Variants in RNF144A observed in about 807,000 individuals in gnomAD.
RNF144A encodes the protein E3 ubiquitin-protein ligase RNF144A.
A neutral mutation model predicts 38.7 loss-of-function variants in RNF144A; 11 were observed. The observed-to-expected ratio is 0.28, with a 90% CI of 0.18 to 0.47. RNF144A has a LOEUF of 0.47. RNF144A is among the 20% of genes least tolerant of loss of function. The pLI, the probability that RNF144A is intolerant of heterozygous loss-of-function variation, is 0.99. For missense variants in RNF144A, 316 were observed against 377.2 expected (o/e 0.84, Z 1.34); for synonymous variants, 149 against 143.9 (o/e 1.04, Z -0.25).
intron 2 of RNF144A, among the ~76,000 whole-genome samples, chr2:6,980,952 G>T (rs1024549273): frequency 6.6e-6 from 1 of 152,218 alleles, no homozygotes; most frequent in African/African-American, 2.4e-5. Context: ...CCAATACCAC[G>T]TGGAAGGTGC....
At chr2:7,020,400 G>A in intron 5 of RNF144A, 73 bp from the exon 6 acceptor site, 2 of 1,338,578 alleles carry the variant, frequency 1.5e-6, no homozygotes, top group East Asian at 4.6e-5. Context: ...GTGCACTGAG[G>A]GGCTCCTTCC....
chr2:6,972,530 GTGGGATTGGAAGATTCCCCTTGACAA>G (rs1668062109), intron 2 of RNF144A, among the ~76,000 whole-genome samples: 2 of 152,230 alleles, frequency 1.3e-5, no homozygotes, highest in Non-Finnish European at 2.9e-5. Flanking sequence ...GAGTGGGGCT[GTGGGATTGGAAGATTCCCCTTGACAA>G]TCCTTTTCCT....
the RNF144A span, chr2:7,074,371 C>G: frequency 6.6e-6 from 1 of 152,164 alleles, no homozygotes; most frequent in Admixed American, 6.5e-5. Flanking sequence ...AGCAAGCGTA[C>G]GTAAGTGCAA....
intron 2 of RNF144A, among the ~76,000 whole-genome samples, chr2:6,990,545 ATAGAGAGAGAGATT>A (rs1379976711): frequency 7.5e-6 from 1 of 134,124 alleles, no homozygotes; most frequent in Non-Finnish European, 1.6e-5. Flanking sequence ...ATGTATATAT[ATAGAGAGAGAGATT>A]GCTACACACA....
intron 2 of RNF144A, among the ~76,000 whole-genome samples, chr2:6,985,508 A>G (rs147840832): frequency 1.3e-5 from 2 of 152,274 alleles, no homozygotes; most frequent in East Asian, 3.9e-4. Flanking sequence ...AAATGTTGGC[A>G]TAAGGGATGG....
chr2:6,947,386 T>C (rs1050986201), intron 2 of RNF144A, among the ~76,000 whole-genome samples: 1 of 152,140 alleles, frequency 6.6e-6, no homozygotes, highest in Non-Finnish European at 1.5e-5. Flanking sequence ...AGTAAAATAC[T>C]TCCACTGATA....
chr2:6,954,708 C>G (rs1341375738), intron 2 of RNF144A, among the ~76,000 whole-genome samples: 1 of 152,138 alleles, frequency 6.6e-6, no homozygotes, highest in Non-Finnish European at 1.5e-5. Flanking sequence ...TAAGTAGGCA[C>G]AAGAGATTTT....
At chr2:6,990,931 C>T (rs1023898164) in intron 2 of RNF144A, among the ~76,000 whole-genome samples, 1 of 152,184 alleles carries the variant, frequency 6.6e-6, no homozygotes, top group Non-Finnish European at 1.5e-5. Flanking sequence ...GAGTTGGGAT[C>T]ATATGTGTGT....
intron 2 of RNF144A, among the ~76,000 whole-genome samples, chr2:6,952,821 C>T (rs540902304): frequency 5.9e-5 from 9 of 151,964 alleles, no homozygotes; most frequent in Admixed American, 1.3e-4. Flanking sequence ...CAATTTAATT[C>T]GCATAAAATT....
chr2:7,054,624 C>T (rs1204041053), intron 6 of RNF144A, among the ~76,000 whole-genome samples: 1 of 152,134 alleles, frequency 6.6e-6, no homozygotes, highest in African/African-American at 2.4e-5. Context: ...ATAAGACTCA[C>T]TGTGATAGTA....
In RNF144A at chr2:7,040,937, T is replaced by A. The variant is rs1006423831; in HGVS notation, c.*1177T>A. ...GTGGGGATTTTACCACTTGATCTTTTACAGGGCTGTCTGTGACCATTTCCA... is the reference window on the plus strand; with the variant it reads ...GTGGGGATTTTACCACTTGATCTTTAACAGGGCTGTCTGTGACCATTTCCA... On this transcript the variant is annotated 3_prime_UTR_variant, in exon 9 of 9. Coordinates refer to ENST00000320892, the MANE Select transcript of RNF144A (RefSeq NM_014746.6). 1 of 985,352 alleles carries A rather than the reference T, an allele frequency of 1.0e-6. No homozygotes were observed. The highest frequency in any genetic ancestry group is 1.2e-6 in the Non-Finnish European group (1 of 829,942). 61.0% of individuals were successfully genotyped at this position (985,352 alleles called of 1,614,324 possible). A position where few individuals can be genotyped will look rare whatever the true frequency, so the allele number is the denominator to read the frequency against.
chr2:7,014,313 G>A lies in RNF144A; in HGVS notation c.136-141G>A, dbSNP rs140418666. 1.1e-4 allele frequency: 73 copies of A among 663,412 alleles called. No homozygotes were observed. The African/African-American group carries it at 1.2e-3, about 11-fold the overall frequency. 41.1% of individuals were successfully genotyped at this position (663,412 alleles called of 1,614,324 possible). ...TGAATAAAACCTCAAAACCTCAAAT[G>A]TGTTGGTTGCTGTGGACTACACAGT... On this transcript the variant is annotated intron_variant, in intron 3 of 8. Coordinates refer to ENST00000320892, the MANE Select transcript of RNF144A (RefSeq NM_014746.6).
chr2:7,001,192 C>G (rs1386111879), intron 3 of RNF144A, among the ~76,000 whole-genome samples: 1 of 151,780 alleles, frequency 6.6e-6, no homozygotes, highest in African/African-American at 2.4e-5. Context: ...CCCAGCTACT[C>G]AGGAGGCTGA....
chr2:6,938,992 CA>C (rs1385543829), intron 1 of RNF144A, among the ~76,000 whole-genome samples: 1 of 151,986 alleles, frequency 6.6e-6, no homozygotes, highest in African/African-American at 2.4e-5. Flanking sequence ...AGTTGATGGA[CA>C]TATGGGTCGT....
intron 5 of RNF144A, among the ~76,000 whole-genome samples, chr2:7,020,035 G>C (rs1366863864): frequency 6.6e-6 from 1 of 152,096 alleles, no homozygotes; most frequent in African/African-American, 2.4e-5. Context: ...CCAACATGGG[G>C]CCATCAGGGG....
chr2:7,053,889 G>A (rs917743504), intron 6 of RNF144A, among the ~76,000 whole-genome samples: 2 of 152,226 alleles, frequency 1.3e-5, no homozygotes, highest in African/African-American at 2.4e-5. Context: ...CTGCCCTGCC[G>A]ATGCCATACA....
At position 6,966,165 on chromosome 2, in the gene RNF144A, A is replaced by G. The variant is rs189969834; in HGVS notation, c.-12+25018A>G. ...CCAGAGAAACACCGGAATATTTTAA[A>G]ATTTGAGTTATTCTCCAAATGTTGG... On this transcript the variant is annotated intron_variant, in intron 2 of 8. Transcript: ENST00000320892. Among the ~76,000 whole-genome samples the G allele has an allele frequency of 1.1e-3, 164 of 152,378 alleles. 1 individual carries two copies. In the Middle Eastern group the frequency reaches 0.02, roughly 19 times the overall value.
intron 6 of RNF144A, among the ~76,000 whole-genome samples, chr2:7,053,176 T>C (rs894107324): frequency 6.6e-6 from 1 of 152,232 alleles, no homozygotes; most frequent in Non-Finnish European, 1.5e-5. Flanking sequence ...ATCTACCGTT[T>C]CTAAAAATGT....
downstream of RNF144A, among the ~76,000 whole-genome samples, chr2:7,072,687 C>A (rs1674525716): frequency 6.6e-6 from 1 of 152,188 alleles, no homozygotes; most frequent in Non-Finnish European, 1.5e-5. Context: ...ATGGCAACGT[C>A]TCCATCACTG....
Sources: gnomAD v4.1 joint callset for allele counts (sites outside exome capture counted in the v4.1 genomes callset) on GRCh38, gnomAD v4.1.1 for gene constraint, MANE v1.5 for transcripts, NCBI Gene and HGNC (gene_info 2026-07-23, HGNC 2026-07-21) for gene names.